DACH1: variants seen among roughly 807,000 people sequenced by gnomAD.
DACH1 encodes dachshund homolog 1.
DACH1 carries 12 observed loss-of-function variants against 54.2 expected under a neutral mutation model. The observed-to-expected ratio is 0.22, with a 90% CI of 0.14 to 0.36. The LOEUF (loss-of-function observed/expected upper bound fraction) is 0.36. Ranked by LOEUF, DACH1 falls within the 10% of genes least tolerant of loss-of-function variation. The pLI is 1.00. For synonymous variants in DACH1, 386 were observed against 366.2 expected (o/e 1.05, Z -0.62); for missense variants, 805 against 929.8 (o/e 0.87, Z 1.75).
At chr13:71,761,554 T>A (rs754003052) in intron 1 of DACH1, among the ~76,000 whole-genome samples, 2 of 152,208 alleles carry the variant, frequency 1.3e-5, no homozygotes, top group Non-Finnish European at 2.9e-5. Flanking sequence ...GATTCTTAAA[T>A]ACTTACTAGC....
intron 1 of DACH1, among the ~76,000 whole-genome samples, chr13:71,807,953 C>T (rs1457018721): frequency 3.9e-5 from 6 of 152,082 alleles, no homozygotes; most frequent in Non-Finnish European, 8.8e-5. Flanking sequence ...TTAATGTCAA[C>T]CTTATCAAAT....
chr13:71,626,310 T>C (rs556261427), intron 3 of DACH1, among the ~76,000 whole-genome samples: 48 of 152,094 alleles, frequency 3.2e-4, no homozygotes, highest in African/African-American at 1.1e-3. Flanking sequence ...TAAGTTTCCT[T>C]TATTTAGATT....
At chr13:71,774,264 G>A (rs1231908438) in intron 1 of DACH1, among the ~76,000 whole-genome samples, 1 of 152,108 alleles carries the variant, frequency 6.6e-6, no homozygotes, top group African/African-American at 2.4e-5. Flanking sequence ...AGCTTCTAAG[G>A]TAGAAGCTAC....
At chr13:71,519,212 T>C (rs1280135066) in intron 6 of DACH1, among the ~76,000 whole-genome samples, 1 of 151,912 alleles carries the variant, frequency 6.6e-6, no homozygotes, top group Non-Finnish European at 1.5e-5. Flanking sequence ...CCAGAGAGCC[T>C]ATTTAACCCA....
At chr13:71,797,430 C>T (rs1887102312) in intron 1 of DACH1, among the ~76,000 whole-genome samples, 1 of 152,236 alleles carries the variant, frequency 6.6e-6, no homozygotes, top group East Asian at 1.9e-4. Flanking sequence ...TGCCTTCCAT[C>T]AAACAGTACA....
intron 3 of DACH1, chr13:71,573,345 G>A: frequency 1.4e-6 from 1 of 693,090 alleles, no homozygotes; most frequent in Non-Finnish European, 2.7e-6. Context: ...TCTTTATTAT[G>A]TCCTATTTTG....
chr13:71,529,183 G>GTTTTTTTTTTGTTTTTTTTTTTTTTTT (rs1299574030), intron 6 of DACH1, among the ~76,000 whole-genome samples: 3 of 80,980 alleles, frequency 3.7e-5, no homozygotes, highest in African/African-American at 1.3e-4. Flanking sequence ...TGTGATTTGG[G>GTTTTTTTTTTGTTTTTTTTTTTTTTTT]TTTTTTTTTT....
At chr13:71,500,840 A>C (rs1053296442) in intron 6 of DACH1, among the ~76,000 whole-genome samples, 1 of 152,066 alleles carries the variant, frequency 6.6e-6, no homozygotes, top group Non-Finnish European at 1.5e-5. Context: ...CATGCCCTAC[A>C]AATCATAGAA....
chr13:71,448,824 G>GT (rs11422735), intron 10 of DACH1, among the ~76,000 whole-genome samples: 113,827 of 145,606 alleles, frequency 0.78, 46,054 homozygotes, highest in East Asian at 0.95. Context: ...AGATTCTGTG[G>GT]TTTTTTTTTT....
In DACH1 at chr13:71,657,816, G is replaced by T. The variant is rs570200853; in HGVS notation, c.964+23979C>A. ...TTCAGAGATGGGGTCTCACTATGTT[G>T]CCCGGGCTTGTCTTGAACTCAGCTC... On this transcript the variant is annotated intron_variant, in intron 2 of 10. Transcript: ENST00000613252. Among the ~76,000 whole-genome samples the T allele has an allele frequency of 2.0e-5, 3 of 151,334 alleles. No individual in the cohort carries two copies. The East Asian group carries it at 5.8e-4, about 29-fold the overall frequency.
At chr13:71,485,165 T>A (rs1019106836) in intron 7 of DACH1, among the ~76,000 whole-genome samples, 2 of 151,954 alleles carry the variant, frequency 1.3e-5, no homozygotes, top group African/African-American at 4.8e-5. Flanking sequence ...ATACTAAAAT[T>A]TTAGTCTCCT....
At chr13:71,523,777 A>C (rs994720931) in intron 6 of DACH1, among the ~76,000 whole-genome samples, 96 of 152,142 alleles carry the variant, frequency 6.3e-4, no homozygotes, top group Non-Finnish European at 9.6e-4. Context: ...GTGTAAATTT[A>C]ATTTTTAAAA....
intron 1 of DACH1, among the ~76,000 whole-genome samples, chr13:71,707,001 C>T (rs1422104495): frequency 6.6e-6 from 1 of 152,118 alleles, no homozygotes; most frequent in Non-Finnish European, 1.5e-5. Flanking sequence ...TAGATAAACA[C>T]ACATTTGAAT....
intron 3 of DACH1, among the ~76,000 whole-genome samples, chr13:71,585,466 C>G (rs1163967506): frequency 6.6e-6 from 1 of 152,086 alleles, no homozygotes. Flanking sequence ...GGAAAAAGAG[C>G]TGAATTTGGA....
Position 71,440,494 on chromosome 13 carries a change from T to TA in DACH1, c.*160_*161insT. 1 of 259,354 alleles carries TA rather than the reference T, an allele frequency of 3.9e-6. No individual in the cohort carries two copies. The highest frequency in any genetic ancestry group is 6.6e-6 in the Non-Finnish European group (1 of 152,664). The allele number at this position is 259,354 out of a possible 1,614,324, so 16.1% of individuals were successfully genotyped here. On this transcript the variant is annotated 3_prime_UTR_variant, in exon 11 of 11. Coordinates refer to ENST00000613252, the MANE Select transcript of DACH1 (RefSeq NM_080759.6). ...ACAGGTGAAAATCAATGGAGAAAACTTTTTTTTTTTTTGTAGAATACTTAA... is the reference window on the plus strand; with the variant it reads ...ACAGGTGAAAATCAATGGAGAAAACTATTTTTTTTTTTTGTAGAATACTTAA...
chr13:71,661,295 T>G (rs1879467003), intron 2 of DACH1, among the ~76,000 whole-genome samples: 1 of 151,566 alleles, frequency 6.6e-6, no homozygotes, highest in Non-Finnish European at 1.5e-5. Flanking sequence ...TATTTTCAAT[T>G]TAATTTTTAT....
chr13:71,787,705 C>T (rs1886660285), intron 1 of DACH1, among the ~76,000 whole-genome samples: 1 of 152,178 alleles, frequency 6.6e-6, no homozygotes, highest in African/African-American at 2.4e-5. Context: ...AGGCACTGAA[C>T]TTAGTCTTGT....
At chr13:71,646,010 C>T (rs375981312) in intron 2 of DACH1, among the ~76,000 whole-genome samples, 1 of 152,124 alleles carries the variant, frequency 6.6e-6, no homozygotes, top group Non-Finnish European at 1.5e-5. Context: ...GGAATATACT[C>T]TTTCCTGTTT....
intron 1 of DACH1, among the ~76,000 whole-genome samples, chr13:71,844,354 G>T (rs1463759801): frequency 4.6e-5 from 7 of 152,116 alleles, no homozygotes; most frequent in Non-Finnish European, 1.0e-4. Flanking sequence ...CATGCATTTA[G>T]TCATCCACCA....
Sources: allele counts gnomAD v4.1 joint callset (sites outside exome capture counted in the v4.1 genomes callset), GRCh38; gene constraint gnomAD v4.1.1; transcripts MANE v1.5; gene names NCBI Gene and HGNC (gene_info 2026-07-23, HGNC 2026-07-21).